Variants in NR3C2 observed in about 807,000 individuals in gnomAD.
The protein encoded by NR3C2 is nuclear receptor subfamily 3 group C member 2.
A neutral mutation model predicts 86.4 loss-of-function variants in NR3C2; 15 were observed. The observed-to-expected ratio is 0.17, with a 90% confidence interval of 0.12 to 0.27. The LOEUF (loss-of-function observed/expected upper bound fraction) is 0.27. NR3C2 is among the 10% of genes least tolerant of loss of function. The pLI, the probability that NR3C2 is intolerant of heterozygous loss-of-function variation, is 1.00. For missense variants in NR3C2, 960 were observed against 1,195.6 expected, an observed-to-expected ratio of 0.80 and a Z score of 2.91; for synonymous variants, 458 against 450.5, an observed-to-expected ratio of 1.02 and a Z score of -0.21.
chr4:148,321,341 A>G lies in NR3C2; in HGVS notation c.1758-61224T>C, dbSNP rs939372698. ...AATAGGTGTGGTGTGGTGCTGAAAA[A>G]AATGTATATTCTGTTGCTTTGGGGT... On this transcript the variant is annotated intron_variant, in intron 2 of 8. Transcript: ENST00000358102. Among the ~76,000 whole-genome samples the G allele has an allele frequency of 7.3e-4, 110 of 151,434 alleles. 1 individual carries two copies. Among genetic ancestry groups the G allele is most frequent in the African/African-American group, 2.6e-3 (109 of 41,154 alleles).
At chr4:148,279,027 G>C (rs144989984) in intron 2 of NR3C2, among the ~76,000 whole-genome samples, 113 of 152,212 alleles carry the variant, frequency 7.4e-4, no homozygotes, top group African/African-American at 2.5e-3. Context: ...GCTGGGCGTG[G>C]TGGCAGGCGC....
At chr4:148,427,957 A>C (rs975623410) in intron 2 of NR3C2, among the ~76,000 whole-genome samples, 1 of 152,180 alleles carries the variant, frequency 6.6e-6, no homozygotes, top group Non-Finnish European at 1.5e-5. Context: ...GATATACATA[A>C]ATATCTGAAT....
intron 6 of NR3C2, among the ~76,000 whole-genome samples, chr4:148,121,304 C>T (rs1261827558): frequency 6.6e-6 from 1 of 152,198 alleles, no homozygotes; most frequent in African/African-American, 2.4e-5. Context: ...GCAGAAATCT[C>T]TTGCAACTCA....
At chr4:148,286,139 T>C (rs545552508) in intron 2 of NR3C2, among the ~76,000 whole-genome samples, 2 of 152,346 alleles carry the variant, frequency 1.3e-5, no homozygotes, top group African/African-American at 2.4e-5. Context: ...AGCCTGGGTG[T>C]GTGGCACAAA....
intron 2 of NR3C2, among the ~76,000 whole-genome samples, chr4:148,412,821 G>GCACACACACA (rs370759208): frequency 8.6e-6 from 1 of 115,952 alleles, no homozygotes; most frequent in African/African-American, 2.8e-5. Flanking sequence ...GCACATGTGC[G>GCACACACACA]CACACACACA....
At chr4:148,282,241 G>A (rs902309833) in intron 2 of NR3C2, among the ~76,000 whole-genome samples, 1 of 152,088 alleles carries the variant, frequency 6.6e-6, no homozygotes, top group Non-Finnish European at 1.5e-5. Flanking sequence ...TGTTGACCAG[G>A]CTGGTATCAA....
intron 2 of NR3C2, among the ~76,000 whole-genome samples, chr4:148,317,958 C>T (rs1242538042): frequency 2.0e-5 from 3 of 151,162 alleles, no homozygotes; most frequent in African/African-American, 7.3e-5. Flanking sequence ...ATGTGCCATG[C>T]TGGTGCGCTG....
chr4:148,178,667 G>C (rs2149789766), intron 4 of NR3C2, among the ~76,000 whole-genome samples: 1 of 151,512 alleles, frequency 6.6e-6, no homozygotes, highest in Non-Finnish European at 1.5e-5. Flanking sequence ...ATACCAGCCT[G>C]GGTGAGGAAA....
intron 2 of NR3C2, among the ~76,000 whole-genome samples, chr4:148,317,305 A>T (rs1743242393): frequency 6.6e-6 from 1 of 151,714 alleles, no homozygotes; most frequent in African/African-American, 2.4e-5. Flanking sequence ...TGGTGAGCTG[A>T]GATCGCACCA....
intron 4 of NR3C2, among the ~76,000 whole-genome samples, chr4:148,169,883 G>A (rs374413721): frequency 1.3e-5 from 2 of 152,198 alleles, no homozygotes; most frequent in Non-Finnish European, 2.9e-5. Context: ...AACTTCCCAT[G>A]TGATTTTTCC....
chr4:148,187,765 T>C (rs1735997959), intron 4 of NR3C2, among the ~76,000 whole-genome samples: 1 of 152,222 alleles, frequency 6.6e-6, no homozygotes, highest in Non-Finnish European at 1.5e-5. Flanking sequence ...GCATTTGCTT[T>C]TGGGTTCTTG....
At chr4:148,083,596 A>C (rs1328302285) in intron 8 of NR3C2, among the ~76,000 whole-genome samples, 1 of 152,216 alleles carries the variant, frequency 6.6e-6, no homozygotes, top group Non-Finnish European at 1.5e-5. Context: ...AGTGCAAAAA[A>C]GCCTGAAAAT....
At chr4:148,269,365 G>T (rs907900971) in intron 2 of NR3C2, among the ~76,000 whole-genome samples, 3 of 152,096 alleles carry the variant, frequency 2.0e-5, no homozygotes, top group African/African-American at 7.2e-5. Context: ...ATCGACGGTA[G>T]TTTTTAAGCA....
At chr4:148,354,871 G>C (rs1387694348) in intron 2 of NR3C2, among the ~76,000 whole-genome samples, 3 of 152,062 alleles carry the variant, frequency 2.0e-5, no homozygotes, top group Non-Finnish European at 4.4e-5. Context: ...TGGATGTCTT[G>C]TAGCTAGGAG....
chr4:148,320,523 G>T (rs1397411357), intron 2 of NR3C2, among the ~76,000 whole-genome samples: 1 of 139,522 alleles, frequency 7.2e-6, no homozygotes, highest in Non-Finnish European at 1.5e-5. Flanking sequence ...TTTTTGGTTG[G>T]TAAGCTATTG....
At chr4:148,239,014 A>T (rs866672533) in intron 3 of NR3C2, among the ~76,000 whole-genome samples, 7 of 152,192 alleles carry the variant, frequency 4.6e-5, no homozygotes. Flanking sequence ...CAACAGACAG[A>T]TGGGAGAGGC....
intron 2 of NR3C2, among the ~76,000 whole-genome samples, chr4:148,394,000 C>T (rs1207076862): frequency 6.6e-6 from 1 of 152,184 alleles, no homozygotes; most frequent in African/African-American, 2.4e-5. Context: ...GACTGGGCCT[C>T]AAAGGGCATT....
At chr4:148,390,814 A>AG (rs1747507711) in intron 2 of NR3C2, among the ~76,000 whole-genome samples, 1 of 152,238 alleles carries the variant, frequency 6.6e-6, no homozygotes, top group Non-Finnish European at 1.5e-5. Context: ...ATGCTTACCT[A>AG]TAAAAGTAAA....
chr4:148,120,760 C>T (rs1486988573), intron 6 of NR3C2, among the ~76,000 whole-genome samples: 1 of 152,116 alleles, frequency 6.6e-6, no homozygotes. Context: ...GCCTTCCTTA[C>T]AGAGGTCATG....
Sources: gnomAD v4.1 joint callset for allele counts (sites outside exome capture counted in the v4.1 genomes callset) on GRCh38, gnomAD v4.1.1 for gene constraint, MANE v1.5 for transcripts, NCBI Gene and HGNC (gene_info 2026-07-23, HGNC 2026-07-21) for gene names.